Variants in MACROD2 observed in about 807,000 individuals in gnomAD.
MACROD2 encodes ADP-ribose glycohydrolase MACROD2.
MACROD2 carries 36 observed loss-of-function variants against 70.4 expected under a neutral mutation model. That is an observed-to-expected ratio of 0.51 (90% CI 0.39 to 0.68). MACROD2 has a LOEUF of 0.68. MACROD2 is among the 30% of genes least tolerant of loss of function. The probability of loss-of-function intolerance (pLI) is 0.00; values close to 1 mark genes in which losing one functional copy is unlikely to be tolerated. For missense variants in MACROD2, 496 were observed against 538.4 expected (o/e 0.92, Z 0.78); for synonymous variants, 172 against 178.8 (o/e 0.96, Z 0.30).
intron 8 of MACROD2, among the ~76,000 whole-genome samples, chr20:15,555,163 G>C (rs1039247463): frequency 3.9e-5 from 6 of 152,142 alleles, no homozygotes; most frequent in Admixed American, 2.0e-4. Flanking sequence ...GAGGGAGTGA[G>C]AGGCGGCCAG....
chr20:14,141,693 C>T (rs191279240), intron 3 of MACROD2, among the ~76,000 whole-genome samples: 6 of 129,226 alleles, frequency 4.6e-5, no homozygotes, highest in Admixed American at 3.0e-4. Flanking sequence ...TGCAGGGAGC[C>T]GAGACTGAGC....
At chr20:14,332,779 A>G (rs1300264971) in intron 3 of MACROD2, among the ~76,000 whole-genome samples, 1 of 152,138 alleles carries the variant, frequency 6.6e-6, no homozygotes, top group African/African-American at 2.4e-5. Context: ...AATGTATCCA[A>G]CTTTGTGAAT....
chr20:16,007,831 C>G (rs1266616347), intron 15 of MACROD2, among the ~76,000 whole-genome samples: 1 of 152,032 alleles, frequency 6.6e-6, no homozygotes, highest in African/African-American at 2.4e-5. Context: ...GAGTATGACA[C>G]TCGAGAGGGT....
chr20:14,831,989 G>T (rs1228637381), intron 5 of MACROD2, among the ~76,000 whole-genome samples: 1 of 139,710 alleles, frequency 7.2e-6, no homozygotes, highest in Non-Finnish European at 1.6e-5. Context: ...AAGCAGAGAA[G>T]ATGTAGTCCC....
In MACROD2 at chr20:15,229,964, T is replaced by C; in HGVS notation, c.443T>C (p.Ile148Thr). 6.2e-7 allele frequency: 1 copy of C among 1,613,788 alleles called. No individual in the cohort carries two copies. The highest frequency in any genetic ancestry group is 1.3e-5 in the African/African-American group (1 of 75,050). ...AKYVIHTVGP[I>T]ARGHINGSHK... ...GATGTCATCCATACTGTAGGGCCAA[T>C]AGCCAGGGGCCATATTAATGGTTCC... The change falls in exon 6 of 18, where the codon ATA becomes ACA. Residue 148 changes from isoleucine to threonine, a missense_variant. Coordinates refer to ENST00000684519, the MANE Select transcript of MACROD2 (RefSeq NM_001351661.2).
intron 4 of MACROD2, among the ~76,000 whole-genome samples, chr20:14,574,246 A>G (rs958416568): frequency 6.6e-6 from 1 of 152,058 alleles, no homozygotes; most frequent in African/African-American, 2.4e-5. Flanking sequence ...GACCTCTGCT[A>G]CTTGCCTGGA....
At chr20:15,272,917 G>A (rs554781227) in intron 6 of MACROD2, among the ~76,000 whole-genome samples, 8 of 152,156 alleles carry the variant, frequency 5.3e-5, no homozygotes, top group Non-Finnish European at 1.2e-4. Flanking sequence ...AATTAGTCTC[G>A]ACTTGTCCTG....
intron 5 of MACROD2, among the ~76,000 whole-genome samples, chr20:14,736,889 G>C (rs6079548): frequency 0.63 from 95,629 of 151,918 alleles, 30,876 homozygotes; most frequent in South Asian, 0.73. Context: ...TCTTGGACCT[G>C]ATTTTTTTAT....
intron 2 of MACROD2, among the ~76,000 whole-genome samples, chr20:14,077,265 T>C (rs2053926836): frequency 2.6e-5 from 4 of 152,330 alleles, no homozygotes; most frequent in South Asian, 4.1e-4. Context: ...TTATATACTT[T>C]GGCTTTTTAT....
At chr20:15,636,129 GAA>G (rs10573928) in intron 8 of MACROD2, among the ~76,000 whole-genome samples, 30,172 of 131,150 alleles carry the variant, frequency 0.23, 3,934 homozygotes, top group African/African-American at 0.36. Context: ...GGAAAAAGAG[GAA>G]AAAAAAAAGA....
At chr20:14,393,862 G>T (rs577174769) in intron 3 of MACROD2, among the ~76,000 whole-genome samples, 2 of 152,148 alleles carry the variant, frequency 1.3e-5, no homozygotes, top group Admixed American at 6.6e-5. Flanking sequence ...TGCGGGTGGA[G>T]CCCTATGTTA....
chr20:15,750,966 A>G (rs2051260756), intron 8 of MACROD2, among the ~76,000 whole-genome samples: 1 of 152,066 alleles, frequency 6.6e-6, no homozygotes, highest in Non-Finnish European at 1.5e-5. Flanking sequence ...AGAAGCAGAG[A>G]GTAGAACAGT....
intron 5 of MACROD2, among the ~76,000 whole-genome samples, chr20:15,066,032 C>G (rs1046419384): frequency 6.6e-6 from 1 of 152,036 alleles, no homozygotes; most frequent in Non-Finnish European, 1.5e-5. Flanking sequence ...AGTATTCTAT[C>G]CGGTGGCTAC....
At chr20:15,221,753 A>G (rs2076863514) in intron 5 of MACROD2, among the ~76,000 whole-genome samples, 1 of 152,054 alleles carries the variant, frequency 6.6e-6, no homozygotes, top group Admixed American at 6.6e-5. Flanking sequence ...ACGTGGGCTT[A>G]AAACATCACA....
Position 14,677,536 on chromosome 20 carries a change from AT to A in MACROD2, c.302-7303del, listed in dbSNP as rs552892697. ...CTTAGTTAACCATCTGCCTGCAAGC[AT>A]TTTGGCCTTCTTATCAGGGTGGTAA... On this transcript the variant is annotated intron_variant, in intron 4 of 17. Transcript: ENST00000684519. Among the ~76,000 whole-genome samples, 3 of 152,322 alleles carry A rather than the reference AT, an allele frequency of 2.0e-5. No individual in the cohort carries two copies. In the South Asian group the frequency reaches 6.2e-4, roughly 32 times the overall value.
intron 6 of MACROD2, among the ~76,000 whole-genome samples, chr20:15,330,306 G>A (rs1296556100): frequency 2.0e-5 from 3 of 148,364 alleles, no homozygotes; most frequent in Admixed American, 6.6e-5. Context: ...CCATGTGATT[G>A]TCAGGCAGGG....
intron 8 of MACROD2, among the ~76,000 whole-genome samples, chr20:15,667,529 A>G (rs2049918162): frequency 6.6e-6 from 1 of 152,130 alleles, no homozygotes; most frequent in South Asian, 2.1e-4. Flanking sequence ...CTATCTATGA[A>G]AGCAAATTGG....
At chr20:14,766,728 G>T (rs1419609739) in intron 5 of MACROD2, among the ~76,000 whole-genome samples, 2 of 152,120 alleles carry the variant, frequency 1.3e-5, no homozygotes, top group Non-Finnish European at 2.9e-5. Flanking sequence ...AAATTAGTTT[G>T]TCATCTCAAG....
intron 4 of MACROD2, among the ~76,000 whole-genome samples, chr20:14,648,230 A>G (rs1037276957): frequency 3.3e-5 from 5 of 152,304 alleles, no homozygotes; most frequent in South Asian, 2.1e-4. Context: ...TGCTTTCTCT[A>G]TGTAAGATGA....
Sources: allele counts gnomAD v4.1 joint callset (sites outside exome capture counted in the v4.1 genomes callset), GRCh38; gene constraint gnomAD v4.1.1; transcripts MANE v1.5; gene names NCBI Gene and HGNC (gene_info 2026-07-23, HGNC 2026-07-21).